The following NEURL1 variants were observed in gnomAD, a reference collection of about 807,000 sequenced individuals.
The protein encoded by NEURL1 is neuralized E3 ubiquitin protein ligase 1, also known as E3 ubiquitin-protein ligase NEURL1.
A neutral mutation model predicts 41.2 loss-of-function variants in NEURL1; 26 were observed. The observed-to-expected ratio is 0.63, with a 90% CI of 0.46 to 0.87. The LOEUF is 0.87. Ranked by LOEUF, NEURL1 falls within the 40% of genes least tolerant of loss-of-function variation. NEURL1 has a pLI of 0.00. For synonymous variants in NEURL1, 400 were observed against 402.3 expected, an observed-to-expected ratio of 0.99 and a Z score of 0.07; for missense variants, 761 against 871.1, an observed-to-expected ratio of 0.87 and a Z score of 1.59.
At chr10:103,564,736 G>T (rs2133874418) in intron 1 of NEURL1, among the ~76,000 whole-genome samples, 1 of 152,344 alleles carries the variant, frequency 6.6e-6, no homozygotes, top group African/African-American at 2.4e-5. Flanking sequence ...AGTGCTGGGA[G>T]GGACCCTGTT....
At chr10:103,523,555 T>A (rs533076753) in intron 1 of NEURL1, among the ~76,000 whole-genome samples, 1 of 152,322 alleles carries the variant, frequency 6.6e-6, no homozygotes, top group East Asian at 1.9e-4. Flanking sequence ...ATCCCTTCTA[T>A]CTAGCTGTGC....
chr10:103,584,676 G>C lies in NEURL1; in HGVS notation c.790G>C (p.Glu264Gln), dbSNP rs776984066. The C allele has an allele frequency of 3.6e-5, 51 of 1,428,868 alleles. No individual in the cohort carries two copies. In the African/African-American group the frequency reaches 7.5e-4, roughly 21 times the overall value. 88.5% of individuals were successfully genotyped at this position (1,428,868 alleles called of 1,614,324 possible). The change falls in exon 4 of 6, where the codon GAG becomes CAG. Residue 264 changes from glutamate to glutamine, a missense_variant. By Grantham distance (29) the Glu-to-Gln change is conservative. Transcript: ENST00000369780. ...CAACGTGCCGGGCGCGGACGGCGAC[G>C]AGGCCGCGCCGGCCGCCGGCTGCCC... ...DLNVPGADGD[E>Q]AAPAAGCPIP... is the part of the protein sequence containing the mutation.
At chr10:103,498,330 C>T (rs1592172730) in intron 1 of NEURL1, among the ~76,000 whole-genome samples, 2 of 152,192 alleles carry the variant, frequency 1.3e-5, no homozygotes, top group Non-Finnish European at 2.9e-5. Context: ...CGGGTTCACG[C>T]CTTCTCCCGC....
At chr10:103,563,732 A>G (rs1471301262) in intron 1 of NEURL1, among the ~76,000 whole-genome samples, 1 of 152,210 alleles carries the variant, frequency 6.6e-6, no homozygotes, top group Non-Finnish European at 1.5e-5. Flanking sequence ...TAATCCTCAC[A>G]AGAATCCCAT....
rs1229477830 is a variant in NEURL1 at position 103,591,637 on chromosome 10, A to C, written c.*1265A>C. ...GCCAAATTGGGAGGCCTTTTGGCAA[A>C]CAGTGTCTATTTTACAGAGAGGCAA... On this transcript the variant is annotated 3_prime_UTR_variant, in exon 6 of 6. Transcript: ENST00000369780. 1 of 152,208 alleles carries C rather than the reference A, an allele frequency of 6.6e-6. No individual in the cohort carries two copies. Among genetic ancestry groups the C allele is most frequent in the African/African-American group, 2.4e-5 (1 of 41,436 alleles). 9.4% of individuals were successfully genotyped at this position (152,208 alleles called of 1,614,324 possible).
At chr10:103,553,524 CA>C (rs1250974972) in intron 1 of NEURL1, among the ~76,000 whole-genome samples, 3 of 152,160 alleles carry the variant, frequency 2.0e-5, no homozygotes, top group Non-Finnish European at 4.4e-5. Flanking sequence ...GCCTCTGGCT[CA>C]GGGGAGCATC....
rs2035871984 is a variant in NEURL1, at chr10:103,584,866, T to G, written c.980T>G (p.Phe327Cys). ...GGGCGCGACGAGCGCGCGCTCGTCT[T>G]CACCAGCCGGCCCGTGCGCGTGGCC... ...EHGRDERALVFTSRPVRVAET... is the reference protein window; with the variant it reads ...EHGRDERALVCTSRPVRVAET... The change falls in exon 4 of 6, where the codon TTC (phenylalanine) becomes TGC (cysteine). Residue 327 changes from phenylalanine (F) to cysteine (C), a missense_variant. Around this residue, in one of 5 missense-constraint regions of NEURL1, gnomAD observed 443 missense variants for 408.1 expected, o/e 1.09. Transcript: ENST00000369780. 2 of 1,400,104 alleles carry G rather than the reference T, an allele frequency of 1.4e-6. No individual in the cohort carries two copies. The highest frequency in any genetic ancestry group is 1.5e-5 in the South Asian group (1 of 67,922). 86.7% of individuals were successfully genotyped at this position (1,400,104 alleles called of 1,614,324 possible). A position where few individuals can be genotyped will look rare whatever the true frequency, so the allele number is the denominator to read the frequency against.
intron 1 of NEURL1, among the ~76,000 whole-genome samples, chr10:103,542,983 C>A (rs936734724): frequency 1.3e-5 from 2 of 152,184 alleles, no homozygotes; most frequent in African/African-American, 4.8e-5. Context: ...GAAGGGAAAA[C>A]GACAGACTGG....
intron 1 of NEURL1, among the ~76,000 whole-genome samples, chr10:103,509,446 C>G (rs1384038358): frequency 6.6e-6 from 1 of 152,128 alleles, no homozygotes; most frequent in South Asian, 2.1e-4. Flanking sequence ...TATAGCATTA[C>G]TGTGCTAGAT....
chr10:103,555,264 C>A, intron 1 of NEURL1: 1 of 1,092,918 alleles, frequency 9.1e-7, no homozygotes, highest in Non-Finnish European at 1.1e-6. Context: ...CCCTGCCATG[C>A]CGGTCTCCGC....
intron 3 of NEURL1, among the ~76,000 whole-genome samples, chr10:103,577,037 G>A (rs1416062420): frequency 6.6e-6 from 1 of 152,218 alleles, no homozygotes; most frequent in Non-Finnish European, 1.5e-5. Flanking sequence ...CCTCAGCTGT[G>A]GCTGCTAGGG....
intron 3 of NEURL1, among the ~76,000 whole-genome samples, chr10:103,575,754 T>A (rs2035648623): frequency 1.3e-5 from 2 of 150,048 alleles, no homozygotes; most frequent in Non-Finnish European, 3.0e-5. Flanking sequence ...ACCTCTTTCT[T>A]TGGGGCGCCC....
At chr10:103,502,344 G>T (rs547949342) in intron 1 of NEURL1, among the ~76,000 whole-genome samples, 3 of 152,292 alleles carry the variant, frequency 2.0e-5, no homozygotes, top group Admixed American at 1.3e-4. Context: ...AGTCCTGGAG[G>T]CTGGAAGTCT....
intron 1 of NEURL1, among the ~76,000 whole-genome samples, chr10:103,499,614 G>A (rs1259833356): frequency 2.0e-5 from 3 of 152,000 alleles, no homozygotes; most frequent in East Asian, 3.9e-4. Flanking sequence ...ACAGGCCCAC[G>A]CCACCACTCC....
intron 3 of NEURL1, among the ~76,000 whole-genome samples, chr10:103,582,999 C>G (rs2035815666): frequency 6.6e-6 from 1 of 152,188 alleles, no homozygotes; most frequent in African/African-American, 2.4e-5. Context: ...AAAACGGGAA[C>G]ACTTCCACGG....
chr10:103,496,194 A>G (rs1213860944), intron 1 of NEURL1, among the ~76,000 whole-genome samples: 1 of 152,112 alleles, frequency 6.6e-6, no homozygotes, highest in East Asian at 1.9e-4. Context: ...ATGCAGGAAT[A>G]TATACTTATG....
intron 4 of NEURL1, among the ~76,000 whole-genome samples, chr10:103,589,133 C>T (rs936484372): frequency 6.6e-6 from 1 of 151,992 alleles, no homozygotes; most frequent in Admixed American, 6.6e-5. Context: ...GGTTGCGGGG[C>T]AGGGGAGATG....
At position 103,524,626 on chromosome 10, in the gene NEURL1, G is replaced by A. The variant is rs187196216; in HGVS notation, c.85+30154G>A. Among the ~76,000 whole-genome samples the A allele has an allele frequency of 8.5e-5, 13 of 152,224 alleles. No individual in the cohort carries two copies. In the East Asian group the frequency reaches 2.5e-3, roughly 29 times the overall value. ...AATTTTAAGTTGATTTTTATATATGGTGAGAGATACGGCTCTAGTTTCATT... is the reference window on the plus strand; with the variant it reads ...AATTTTAAGTTGATTTTTATATATGATGAGAGATACGGCTCTAGTTTCATT... On this transcript the variant is annotated intron_variant, in intron 1 of 5. Transcript: ENST00000369780.
At chr10:103,504,295 G>A (rs1207972868) in intron 1 of NEURL1, among the ~76,000 whole-genome samples, 4 of 152,040 alleles carry the variant, frequency 2.6e-5, no homozygotes, top group Non-Finnish European at 4.4e-5. Context: ...CTGGCCTGTT[G>A]TCATGTTTTC....
Sources: gnomAD v4.1 joint callset for allele counts (sites outside exome capture counted in the v4.1 genomes callset) on GRCh38, gnomAD v4.1.1 for gene constraint, gnomAD v4.1.1 regional missense constraint, MANE v1.5 for transcripts, NCBI Gene and HGNC (gene_info 2026-07-23, HGNC 2026-07-21) for gene names.